Variants in KIF1A observed in about 807,000 individuals in gnomAD.
KIF1A encodes kinesin-like protein KIF1A.
KIF1A carries 46 observed loss-of-function variants against 227.3 expected under a neutral mutation model. The ratio of observed to expected loss-of-function variants is 0.20; its 90% CI spans 0.16 to 0.26. The LOEUF (loss-of-function observed/expected upper bound fraction) is 0.26, where lower values mean the gene tolerates loss of function less well. Among genes scored for constraint, KIF1A ranks in the 10% least tolerant of loss-of-function variants. The pLI, the probability that KIF1A is intolerant of heterozygous loss-of-function variation, is 1.00. For missense variants in KIF1A, 1,683 were observed against 2,485.9 expected (o/e 0.68, Z 6.87); for synonymous variants, 1,022 against 1,012.8 (o/e 1.01, Z -0.17).
chr2:240,765,434 C>T (rs1320969096), intron 20 of KIF1A, among the ~76,000 whole-genome samples: 5 of 152,242 alleles, frequency 3.3e-5, no homozygotes, highest in African/African-American at 9.6e-5. Context: ...TAGGCAGGCA[C>T]ACCCTGGCTC....
intron 20 of KIF1A, among the ~76,000 whole-genome samples, chr2:240,763,802 AG>A (rs1039314162): frequency 1.3e-5 from 2 of 152,150 alleles, no homozygotes; most frequent in African/African-American, 4.8e-5. Flanking sequence ...CTAGACTGGA[AG>A]CAGGGCTGGG....
At chr2:240,724,982 G>C (rs747043085) in intron 40 of KIF1A, 6 of 255,164 alleles carry the variant, frequency 2.4e-5, no homozygotes, top group Non-Finnish European at 4.3e-5. Context: ...ACCCACAGGA[G>C]GCCCCAGGTG....
In KIF1A at chr2:240,720,900, T is replaced by TG; in HGVS notation, c.4868+13dup. On this transcript the variant is annotated intron_variant, in intron 45 of 48. Coordinates refer to ENST00000498729, the MANE Select transcript of KIF1A (RefSeq NM_001244008.2). ...GGTGCCAGAAGCCACTCCGGGAGCC[T>TG]GGAGCTCACTCACCTCAGGTCAGTG... The TG allele has an allele frequency of 6.5e-7, 1 of 1,548,892 alleles. No individual in the cohort carries two copies. The highest frequency in any genetic ancestry group is 8.8e-7 in the Non-Finnish European group (1 of 1,141,432).
In KIF1A at chr2:240,758,274, G is replaced by A. The variant is rs2050105698; in HGVS notation, c.2582+86C>T. ...AAAGCACTTGTCAGGGCCGCTCCTT[G>A]TATCAGGCCAGGGCCCACTCCTACC... On this transcript the variant is annotated intron_variant, in intron 26 of 48. Coordinates refer to ENST00000498729, the MANE Select transcript of KIF1A (RefSeq NM_001244008.2). This position sits in a 1 kb window ranked among gnomAD's most constrained non-coding sequence, Gnocchi z 5.2. The A allele has an allele frequency of 2.1e-6, 3 of 1,450,140 alleles. No homozygotes were observed. The highest frequency in any genetic ancestry group is 4.8e-5 in the East Asian group (2 of 41,760). 89.8% of individuals were successfully genotyped at this position (1,450,140 alleles called of 1,614,324 possible).
rs565866534 is a variant in KIF1A, at chr2:240,792,116, G to A, written c.107-2804C>T. 1.6e-3 allele frequency among the ~76,000 whole-genome samples: 234 copies of A among 150,210 alleles called. No individual in the cohort carries two copies. The highest frequency in any genetic ancestry group is 5.4e-3 in the African/African-American group (223 of 41,116). ...CCAGAGAGGGGAGGTCCTCTCCCCCGGTCACACGACGCACAGCCAGACTAG... is the reference window on the plus strand; with the variant it reads ...CCAGAGAGGGGAGGTCCTCTCCCCCAGTCACACGACGCACAGCCAGACTAG... On this transcript the variant is annotated intron_variant, in intron 2 of 48. Coordinates refer to ENST00000498729, the MANE Select transcript of KIF1A (RefSeq NM_001244008.2). The surrounding 1 kb of genome is among the most constrained non-coding windows in gnomAD (Gnocchi z 4.5).
At chr2:240,750,569 G>T in intron 27 of KIF1A, 22 bp from the exon 28 acceptor site, 2 of 1,553,434 alleles carry the variant, frequency 1.3e-6, no homozygotes, top group Non-Finnish European at 1.8e-6. Flanking sequence ...CAGAGGCGGC[G>T]GTCATGGGCC....
At chr2:240,719,335 A>T in intron 46 of KIF1A, 137 bp from the exon 47 acceptor site, 1 of 972,128 alleles carries the variant, frequency 1.0e-6, no homozygotes, top group South Asian at 1.8e-5. Flanking sequence ...CGAGGCATCG[A>T]AGGGCACCTG....
At chr2:240,769,596 C>T (rs1462603461) in intron 16 of KIF1A, 31 bp downstream of exon 16, 2 of 1,588,312 alleles carry the variant, frequency 1.3e-6, no homozygotes, top group Non-Finnish European at 1.7e-6. Flanking sequence ...CTGCACCCCT[C>T]CCCCTGGGCC....
At chr2:240,817,929 C>T (rs1299022383) in intron 1 of KIF1A, among the ~76,000 whole-genome samples, 1 of 152,234 alleles carries the variant, frequency 6.6e-6, no homozygotes, top group Admixed American at 6.5e-5. Flanking sequence ...CAGTTTTAAT[C>T]CTGATCCAGC....
intron 43 of KIF1A, 54 bp downstream of exon 43, chr2:240,722,402 C>T (rs2045512366): frequency 4.6e-6 from 7 of 1,510,772 alleles, no homozygotes; most frequent in Non-Finnish European, 6.2e-6. Context: ...AGAAATGACT[C>T]AGGGCCCTTG....
rs1276639404 is a variant in KIF1A at position 240,771,024 on chromosome 2, G to C, written c.1288C>G (p.His430Asp). The C allele has an allele frequency of 6.2e-7, 1 of 1,613,160 alleles. No individual in the cohort carries two copies. The highest frequency in any genetic ancestry group is 8.5e-7 in the Non-Finnish European group (1 of 1,179,852). ...SSRAASVSSL[H>D]ERILFAPGSE... is the part of the protein sequence containing the mutation. The stretch of plus-strand genomic sequence containing the variant: ...CCCGGGGCAAACAAGATGCGCTCGT[G>C]GAGGCTGGACACGGAGGCCGCGCGG... Residue 430 changes from histidine to aspartate, a missense_variant, in exon 15 of 49, where the codon CAC becomes GAC. Physicochemically the swap from His to Asp is moderately conservative, Grantham distance 81 (BLOSUM62 -1). Around this residue, in one of 12 missense-constraint regions of KIF1A, gnomAD observed 110 missense variants for 133.1 expected, o/e 0.83. Coordinates refer to ENST00000498729, the MANE Select transcript of KIF1A (RefSeq NM_001244008.2).
chr2:240,816,298 G>A (rs2058317608), intron 1 of KIF1A, among the ~76,000 whole-genome samples: 1 of 152,010 alleles, frequency 6.6e-6, no homozygotes. Flanking sequence ...GTGTCTGTGT[G>A]TGTGAATGTA....
chr2:240,778,511 T>TACACACACACACACACACACACACACAC lies in KIF1A; in HGVS notation c.883-2613_883-2586dup, dbSNP rs60462300. ...GGCGCTCGCAGCTCCCGCACAGCGTTACACACACACACACACACACACACA... is the reference window on the plus strand; with the variant it reads ...GGCGCTCGCAGCTCCCGCACAGCGTTACACACACACACACACACACACACACACACACACACACACACACACACACACA... On this transcript the variant is annotated intron_variant, in intron 10 of 48. Transcript: ENST00000498729. This position sits in a 1 kb window ranked among gnomAD's most constrained non-coding sequence, Gnocchi z 7.2. Among the ~76,000 whole-genome samples, 301 of 134,168 alleles carry TACACACACACACACACACACACACACAC rather than the reference T, an allele frequency of 2.2e-3. 7 individuals are homozygous for TACACACACACACACACACACACACACAC. Among genetic ancestry groups the TACACACACACACACACACACACACACAC allele is most frequent in the African/African-American group, 7.1e-3 (233 of 32,932 alleles). The allele number at this position is 134,168 out of a possible 152,430, so 88.0% of individuals were successfully genotyped here.
intron 11 of KIF1A, among the ~76,000 whole-genome samples, 185 bp from the exon 12 acceptor site, chr2:240,774,446 C>T (rs950776808): frequency 7.0e-6 from 1 of 143,372 alleles, no homozygotes; most frequent in African/African-American, 2.5e-5. Flanking sequence ...ACCTGGCCTT[C>T]CTTGGCTGCT....
At chr2:240,719,711 G>A in intron 46 of KIF1A, 63 bp downstream of exon 46, 1 of 1,442,414 alleles carries the variant, frequency 6.9e-7, no homozygotes, top group Non-Finnish European at 9.2e-7. Context: ...GGAGCAGGGT[G>A]GCCTGCCTGT....
Position 240,714,704 on chromosome 2 carries a change from G to A in KIF1A, c.*2660C>T, listed in dbSNP as rs1325445161. 5 of 152,228 alleles carry A rather than the reference G, an allele frequency of 3.3e-5. No individual in the cohort carries two copies. The highest frequency in any genetic ancestry group is 4.8e-5 in the African/African-American group (2 of 41,442). The allele number at this position is 152,228 out of a possible 1,614,324, so 9.4% of individuals were successfully genotyped here. On this transcript the variant is annotated 3_prime_UTR_variant, in exon 49 of 49. Transcript: ENST00000498729. ...GTCCCTAGGTGGTTTCTGGCAGAGCGAACTTTTCAAGAAGCCAGGTGTCCT... is the reference window on the plus strand; with the variant it reads ...GTCCCTAGGTGGTTTCTGGCAGAGCAAACTTTTCAAGAAGCCAGGTGTCCT...
Position 240,743,449 on chromosome 2 carries a change from T to G in KIF1A, c.3585-465A>C, listed in dbSNP as rs188080586. On this transcript the variant is annotated intron_variant, in intron 33 of 48. Transcript: ENST00000498729. ...CCAGGGTAGACACTCCTGTCCACCT[T>G]CAAGGGTCTGGGTGAGATGGCCTGA... Among the ~76,000 whole-genome samples the G allele has an allele frequency of 4.4e-4, 67 of 152,278 alleles. No homozygotes were observed. In the Middle Eastern group the frequency reaches 0.017, roughly 39 times the overall value.
Position 240,739,981 on chromosome 2 carries a change from G to A in KIF1A, c.3901+77C>T, listed in dbSNP as rs1000041763. 31 of 1,157,142 alleles carry A rather than the reference G, an allele frequency of 2.7e-5. No homozygotes were observed. Among genetic ancestry groups the A allele is most frequent in the Middle Eastern group, 2.2e-4 (1 of 4,598 alleles). 71.7% of individuals were successfully genotyped at this position (1,157,142 alleles called of 1,614,324 possible). ...AGACGCAGAGGTGTGGTTAGAACCC[G>A]GGTATCCAGCTCAGGGCCTGTACTC... On this transcript the variant is annotated intron_variant, in intron 37 of 48. Coordinates refer to ENST00000498729, the MANE Select transcript of KIF1A (RefSeq NM_001244008.2). This position sits in a 1 kb window ranked among gnomAD's most constrained non-coding sequence, Gnocchi z 5.6.
rs566844186 is a variant in KIF1A, at chr2:240,750,666, G to A, written c.2859-119C>T. ...TGGAGCTGCAAAGCAGAGGGAAGCC[G>A]CCGGACAGGACAGCCAAGGCCAGGA... On this transcript the variant is annotated intron_variant, in intron 27 of 48. Transcript: ENST00000498729. The A allele has an allele frequency of 4.5e-5, 34 of 748,088 alleles. 1 individual carries two copies. Among genetic ancestry groups the A allele is most frequent in the Middle Eastern group, 4.9e-4 (2 of 4,052 alleles). The allele number at this position is 748,088 out of a possible 1,614,324, so 46.3% of individuals were successfully genotyped here.
Sources: allele counts gnomAD v4.1 joint callset (sites outside exome capture counted in the v4.1 genomes callset), GRCh38; gene constraint gnomAD v4.1.1; regional missense constraint gnomAD v4.1.1; non-coding constraint Gnocchi (gnomAD v3.1); transcripts MANE v1.5; gene names NCBI Gene and HGNC (gene_info 2026-07-23, HGNC 2026-07-21).